C8orf34: variants seen among roughly 807,000 people sequenced by gnomAD.
C8orf34 encodes the protein chromosome 8 open reading frame 34.
C8orf34 carries 65 observed loss-of-function variants against 68.3 expected under a neutral mutation model. The ratio of observed to expected loss-of-function variants is 0.95; its 90% CI spans 0.78 to 1.17. The LOEUF (loss-of-function observed/expected upper bound fraction) is 1.17, where lower values mean the gene tolerates loss of function less well. Ranked by LOEUF, C8orf34 falls within the 50% of genes most tolerant of loss-of-function variation. The pLI is 0.00. For synonymous variants in C8orf34, 244 were observed against 241.2 expected, an observed-to-expected ratio of 1.01 and a Z score of -0.11; for missense variants, 664 against 655.4, an observed-to-expected ratio of 1.01 and a Z score of -0.14.
rs1044813962 is a variant in C8orf34, at chr8:68,670,333, T to C, written c.1241+29822T>C. Among the ~76,000 whole-genome samples the C allele has an allele frequency of 8.5e-5, 13 of 152,190 alleles. No individual in the cohort carries two copies. In the South Asian group the frequency reaches 2.7e-3, roughly 31 times the overall value. On this transcript the variant is annotated intron_variant, in intron 8 of 13. Transcript: ENST00000518698. ...TTCCTTATCTGACCAAGGAAACTTA[T>C]TTCCAAAAGAAATGAATTATCTTAA... is the stretch of plus-strand genomic sequence containing the variant.
chr8:68,508,360 A>G (rs1814113996), intron 5 of C8orf34, among the ~76,000 whole-genome samples: 1 of 152,186 alleles, frequency 6.6e-6, no homozygotes, highest in African/African-American at 2.4e-5. Flanking sequence ...CCAAACTTTC[A>G]TAATAATTTT....
intron 1 of C8orf34, among the ~76,000 whole-genome samples, chr8:68,370,857 A>G (rs928650626): frequency 6.6e-6 from 1 of 152,202 alleles, no homozygotes; most frequent in Admixed American, 6.5e-5. Context: ...ATTTCTGCAC[A>G]TATTTCCCAG....
chr8:68,444,077 G>A (rs1012272418), intron 2 of C8orf34, among the ~76,000 whole-genome samples: 1 of 151,900 alleles, frequency 6.6e-6, no homozygotes, highest in Non-Finnish European at 1.5e-5. Flanking sequence ...CATTGTGTTT[G>A]CTTTTCTTTG....
intron 8 of C8orf34, among the ~76,000 whole-genome samples, chr8:68,691,541 T>C (rs1462247824): frequency 6.6e-6 from 1 of 152,094 alleles, no homozygotes; most frequent in Non-Finnish European, 1.5e-5. Flanking sequence ...TTTAAATATC[T>C]TTTTTCTAAC....
At chr8:68,803,883 TAGGC>T (rs1824405794) in intron 12 of C8orf34, among the ~76,000 whole-genome samples, 1 of 152,148 alleles carries the variant, frequency 6.6e-6, no homozygotes, top group African/African-American at 2.4e-5. Flanking sequence ...AATTAAAAAA[TAGGC>T]AGTGTTGAAA....
chr8:68,477,816 GC>G (rs1473512413), intron 4 of C8orf34, among the ~76,000 whole-genome samples: 2 of 152,196 alleles, frequency 1.3e-5, no homozygotes, highest in Non-Finnish European at 2.9e-5. Flanking sequence ...CCACATGGAA[GC>G]CACCAAGACT....
At chr8:68,783,686 C>G (rs1585877076) in intron 11 of C8orf34, among the ~76,000 whole-genome samples, 1 of 152,184 alleles carries the variant, frequency 6.6e-6, no homozygotes, top group East Asian at 1.9e-4. Context: ...TGGGCGGAAC[C>G]AATGTACTTC....
At chr8:68,457,222 G>T (rs1030766146) in intron 3 of C8orf34, among the ~76,000 whole-genome samples, 1 of 151,956 alleles carries the variant, frequency 6.6e-6, no homozygotes, top group African/African-American at 2.4e-5. Context: ...GTCATTGAGA[G>T]TATATATGTA....
intron 7 of C8orf34, among the ~76,000 whole-genome samples, chr8:68,574,132 A>G (rs1816834259): frequency 1.3e-5 from 2 of 152,132 alleles, no homozygotes; most frequent in African/African-American, 4.8e-5. Flanking sequence ...TTAGTCTATC[A>G]GATCTTTTTG....
chr8:68,462,837 C>G (rs1811908544), intron 3 of C8orf34, among the ~76,000 whole-genome samples: 1 of 151,982 alleles, frequency 6.6e-6, no homozygotes, highest in Non-Finnish European at 1.5e-5. Flanking sequence ...CAAAAGAAAG[C>G]AGGAAAGATC....
intron 5 of C8orf34, among the ~76,000 whole-genome samples, chr8:68,502,018 C>CGT (rs375429541): frequency 2.6e-5 from 4 of 151,824 alleles, no homozygotes; most frequent in Middle Eastern, 3.4e-3. Flanking sequence ...ATTAGTACTC[C>CGT]GTGTGTGTGT....
At position 68,510,370 on chromosome 8, in the gene C8orf34, T is replaced by C. The variant is rs368422603; in HGVS notation, c.766-11429T>C. Among the ~76,000 whole-genome samples, 232 of 152,228 alleles carry C rather than the reference T, an allele frequency of 1.5e-3. 4 individuals are homozygous for C. The South Asian group carries it at 0.045, about 30-fold the overall frequency. On this transcript the variant is annotated intron_variant, in intron 5 of 13. Coordinates refer to ENST00000518698, the MANE Select transcript of C8orf34 (RefSeq NM_052958.4). ...TTCCCAAAAGGAAACCTCTGAGGGA[T>C]AGGCATCCTATTTATCCCATCACCT...
intron 7 of C8orf34, among the ~76,000 whole-genome samples, chr8:68,605,019 A>G (rs1047836731): frequency 1.6e-4 from 24 of 152,288 alleles, no homozygotes; most frequent in African/African-American, 4.8e-4. Context: ...ATAAGAAAAC[A>G]AAGGATCCAA....
intron 8 of C8orf34, among the ~76,000 whole-genome samples, chr8:68,678,547 G>A (rs928294219): frequency 3.3e-5 from 5 of 152,074 alleles, no homozygotes; most frequent in African/African-American, 7.2e-5. Flanking sequence ...CTTTCTTCAT[G>A]ATAAAAATCC....
chr8:68,569,236 G>A (rs1424501074), intron 7 of C8orf34, among the ~76,000 whole-genome samples: 1 of 152,244 alleles, frequency 6.6e-6, no homozygotes, highest in Non-Finnish European at 1.5e-5. Context: ...AAAATATTGT[G>A]TGATACAGAA....
intron 10 of C8orf34, among the ~76,000 whole-genome samples, chr8:68,745,929 T>C (rs568378757): frequency 1.3e-5 from 2 of 152,240 alleles, no homozygotes; most frequent in South Asian, 2.1e-4. Flanking sequence ...CAACAGAATA[T>C]ACATTTTTTT....
intron 3 of C8orf34, among the ~76,000 whole-genome samples, chr8:68,462,273 A>G (rs1057187546): frequency 1.2e-4 from 19 of 152,280 alleles, no homozygotes; most frequent in South Asian, 4.1e-4. Flanking sequence ...CAATACAGGA[A>G]CACCCAGATT....
At chr8:68,679,608 T>A (rs1820302722) in intron 8 of C8orf34, among the ~76,000 whole-genome samples, 1 of 152,114 alleles carries the variant, frequency 6.6e-6, no homozygotes, top group African/African-American at 2.4e-5. Context: ...AGACCCAGAA[T>A]AGCCAAATGT....
intron 8 of C8orf34, among the ~76,000 whole-genome samples, chr8:68,680,723 G>T (rs1310952636): frequency 6.6e-6 from 1 of 152,102 alleles, no homozygotes; most frequent in Non-Finnish European, 1.5e-5. Flanking sequence ...ACTGATAAGG[G>T]TCTATGTTCA....
Sources: gnomAD v4.1 joint callset for allele counts (sites outside exome capture counted in the v4.1 genomes callset) on GRCh38, gnomAD v4.1.1 for gene constraint, MANE v1.5 for transcripts, NCBI Gene and HGNC (gene_info 2026-07-23, HGNC 2026-07-21) for gene names.